Variants in LHFPL6 observed in about 807,000 individuals in gnomAD.
LHFPL6 encodes LHFPL tetraspan subfamily member 6.
LHFPL6 carries 9 observed loss-of-function variants against 20.6 expected under a neutral mutation model. The ratio of observed to expected loss-of-function variants is 0.44; its 90% CI spans 0.26 to 0.76. The LOEUF (loss-of-function observed/expected upper bound fraction) is 0.76. Among genes scored for constraint, LHFPL6 ranks in the 30% least tolerant of loss-of-function variants. The probability of loss-of-function intolerance (pLI) is 0.20; values close to 1 mark genes in which losing one functional copy is unlikely to be tolerated. For missense variants in LHFPL6, 218 were observed against 253.5 expected, an observed-to-expected ratio of 0.86 and a Z score of 0.95; for synonymous variants, 105 against 98.7, an observed-to-expected ratio of 1.06 and a Z score of -0.38.
chr13:39,373,248 T>G (rs1870204641), intron 3 of LHFPL6, among the ~76,000 whole-genome samples: 1 of 152,194 alleles, frequency 6.6e-6, no homozygotes, highest in Non-Finnish European at 1.5e-5. Context: ...AAGGCCAGCT[T>G]CAGGGATGAC....
At chr13:39,361,556 TCCAC>T (rs1180981879) in intron 3 of LHFPL6, among the ~76,000 whole-genome samples, 1 of 152,136 alleles carries the variant, frequency 6.6e-6, no homozygotes, top group African/African-American at 2.4e-5. Context: ...GACCTTGTGA[TCCAC>T]CCACCTCAGC....
At chr13:39,425,891 C>T (rs935659114) in intron 2 of LHFPL6, among the ~76,000 whole-genome samples, 3 of 152,062 alleles carry the variant, frequency 2.0e-5, no homozygotes, top group Non-Finnish European at 4.4e-5. Flanking sequence ...CAAACTCCTG[C>T]CCTCAAGTGA....
chr13:39,475,823 C>T (rs891056059), intron 2 of LHFPL6, among the ~76,000 whole-genome samples: 1 of 152,154 alleles, frequency 6.6e-6, no homozygotes, highest in Non-Finnish European at 1.5e-5. Context: ...CTAAGGATCA[C>T]TACTCTCTAT....
At chr13:39,425,610 T>G (rs1342032565) in intron 2 of LHFPL6, among the ~76,000 whole-genome samples, 1 of 152,214 alleles carries the variant, frequency 6.6e-6, no homozygotes, top group Non-Finnish European at 1.5e-5. Flanking sequence ...GTTTTTGATT[T>G]GCATTTCCCT....
At chr13:39,381,829 A>G (rs961388315) in intron 2 of LHFPL6, among the ~76,000 whole-genome samples, 25 of 19,104 alleles carry the variant, frequency 1.3e-3, no homozygotes, top group South Asian at 4.7e-3. Context: ...TTATAGACAA[A>G]AAAAAAAAAA....
chr13:39,428,417 T>C (rs1415419740), intron 2 of LHFPL6, among the ~76,000 whole-genome samples: 5 of 152,144 alleles, frequency 3.3e-5, no homozygotes, highest in African/African-American at 1.2e-4. Context: ...ATATTTTCTG[T>C]TTCCTTTTGT....
At chr13:39,397,023 T>C (rs1270641856) in intron 2 of LHFPL6, among the ~76,000 whole-genome samples, 1 of 152,158 alleles carries the variant, frequency 6.6e-6, no homozygotes, top group Non-Finnish European at 1.5e-5. Flanking sequence ...AGAGAATAGA[T>C]TTCTGTTGTT....
chr13:39,431,406 G>A (rs1187773334), intron 2 of LHFPL6, among the ~76,000 whole-genome samples: 2 of 152,182 alleles, frequency 1.3e-5, no homozygotes, highest in Non-Finnish European at 2.9e-5. Context: ...CATTCTTGAA[G>A]TCAGCGAGAC....
chr13:39,513,651 T>C (rs1439290021), intron 2 of LHFPL6, among the ~76,000 whole-genome samples: 1 of 152,248 alleles, frequency 6.6e-6, no homozygotes, highest in East Asian at 1.9e-4. Context: ...CTTTTATATG[T>C]TACCATAGTT....
chr13:39,358,078 C>T (rs566664446), intron 3 of LHFPL6, among the ~76,000 whole-genome samples: 9 of 151,906 alleles, frequency 5.9e-5, no homozygotes, highest in Middle Eastern at 3.4e-3. Context: ...AAAAAGAGCC[C>T]GAATAACCAA....
At chr13:39,563,183 C>CT (rs960443068) in intron 2 of LHFPL6, among the ~76,000 whole-genome samples, 2 of 149,614 alleles carry the variant, frequency 1.3e-5, no homozygotes, top group African/African-American at 4.9e-5. Context: ...TTAAAAATGT[C>CT]TTTTTAAAAA....
chr13:39,437,502 T>C (rs1871993907), intron 2 of LHFPL6, among the ~76,000 whole-genome samples: 1 of 152,220 alleles, frequency 6.6e-6, no homozygotes, highest in African/African-American at 2.4e-5. Flanking sequence ...GAGGACTTCC[T>C]AGAAGCAGAA....
intron 2 of LHFPL6, among the ~76,000 whole-genome samples, chr13:39,526,045 C>T (rs536505325): frequency 2.0e-5 from 3 of 152,296 alleles, no homozygotes; most frequent in African/African-American, 7.2e-5. Context: ...CTTCCTCCTA[C>T]TAACATTGTT....
chr13:39,547,865 T>C lies in LHFPL6; in HGVS notation c.385+52967A>G, dbSNP rs1020707755. ...TATGTATTTAAATGATCAGAATCAG[T>C]AAGTTAAGTGGAGCTGAAATGCCCC... On this transcript the variant is annotated intron_variant, in intron 2 of 3. Coordinates refer to ENST00000379589, the MANE Select transcript of LHFPL6 (RefSeq NM_005780.3). Among the ~76,000 whole-genome samples, 5 of 152,180 alleles carry C rather than the reference T, an allele frequency of 3.3e-5. No individual in the cohort carries two copies. The South Asian group carries it at 8.3e-4, about 25-fold the overall frequency.
intron 3 of LHFPL6, among the ~76,000 whole-genome samples, chr13:39,358,808 T>C (rs568700422): frequency 1.3e-5 from 2 of 152,300 alleles, no homozygotes; most frequent in Admixed American, 6.5e-5. Flanking sequence ...TCATCATCAC[T>C]AATCATCAGA....
chr13:39,446,941 C>T (rs1364503742), intron 2 of LHFPL6, among the ~76,000 whole-genome samples: 5 of 152,114 alleles, frequency 3.3e-5, no homozygotes, highest in African/African-American at 1.2e-4. Flanking sequence ...TAAACTGGTT[C>T]ACAGGGAGAT....
At chr13:39,512,027 T>C (rs1262672103) in intron 2 of LHFPL6, among the ~76,000 whole-genome samples, 4 of 152,208 alleles carry the variant, frequency 2.6e-5, no homozygotes, top group African/African-American at 4.8e-5. Context: ...TATTAACACC[T>C]AGAATTTTCT....
At chr13:39,416,450 TG>T (rs1477972295) in intron 2 of LHFPL6, among the ~76,000 whole-genome samples, 2 of 152,080 alleles carry the variant, frequency 1.3e-5, no homozygotes, top group Non-Finnish European at 2.9e-5. Flanking sequence ...TCCCCAACTG[TG>T]GTGCCACACA....
At chr13:39,352,919 A>ATGTG (rs1869620824) in intron 3 of LHFPL6, among the ~76,000 whole-genome samples, 3 of 58,878 alleles carry the variant, frequency 5.1e-5, no homozygotes, top group Non-Finnish European at 6.9e-5. Context: ...ATGTATATAT[A>ATGTG]TATAAATGTA....
Sources: gnomAD v4.1 joint callset for allele counts (sites outside exome capture counted in the v4.1 genomes callset) on GRCh38, gnomAD v4.1.1 for gene constraint, MANE v1.5 for transcripts, NCBI Gene and HGNC (gene_info 2026-07-23, HGNC 2026-07-21) for gene names.